PDCD6: variants seen among roughly 807,000 people sequenced by gnomAD.
The protein encoded by PDCD6 is programmed cell death 6.
PDCD6 carries 12 observed loss-of-function variants against 28.3 expected under a neutral mutation model. The ratio of observed to expected loss-of-function variants is 0.42; its 90% CI spans 0.27 to 0.69. PDCD6 has a LOEUF of 0.69. PDCD6 is among the 30% of genes least tolerant of loss of function. The probability of loss-of-function intolerance (pLI) is 0.22; values close to 1 mark genes in which losing one functional copy is unlikely to be tolerated. For missense variants in PDCD6, 226 were observed against 269.9 expected, an observed-to-expected ratio of 0.84 and a Z score of 1.14; for synonymous variants, 92 against 108.0, an observed-to-expected ratio of 0.85 and a Z score of 0.92.
At chr5:289,167 C>G in intron 2 of PDCD6, 1 of 1,000,646 alleles carries the variant, frequency 1.0e-6, no homozygotes, top group Admixed American at 2.5e-5. Context: ...TAAAAATAAG[C>G]AAATGTTGTT....
intron 4 of PDCD6, 93 bp from the exon 5 acceptor site, chr5:311,200 T>C (rs1472087822): frequency 1.1e-6 from 1 of 896,448 alleles, no homozygotes; most frequent in Non-Finnish European, 1.8e-6. Context: ...TTGTGTGTGT[T>C]AGAGGCTGTG....
intron 2 of PDCD6, among the ~76,000 whole-genome samples, chr5:298,538 A>G (rs1174064355): frequency 2.0e-5 from 3 of 151,694 alleles, no homozygotes; most frequent in Non-Finnish European, 4.4e-5. Flanking sequence ...TCATGTGCAG[A>G]TGAGGGATTA....
chr5:295,784 C>G (rs373001431), intron 2 of PDCD6, among the ~76,000 whole-genome samples: 153 of 147,610 alleles, frequency 1.0e-3, no homozygotes, highest in African/African-American at 3.4e-3. Context: ...GCTCTCCACA[C>G]AGAAAGCCAA....
At chr5:290,989 A>C (rs1739280056) in intron 2 of PDCD6, among the ~76,000 whole-genome samples, 1 of 152,250 alleles carries the variant, frequency 6.6e-6, no homozygotes, top group African/African-American at 2.4e-5. Flanking sequence ...TAAGGTATAA[A>C]GAATATTGAC....
chr5:310,216 C>G (rs990442856), intron 4 of PDCD6: 2 of 159,448 alleles, frequency 1.3e-5, no homozygotes, highest in Non-Finnish European at 2.7e-5. Flanking sequence ...AATGGGAGGT[C>G]CTGTCTTTTC....
intron 2 of PDCD6, among the ~76,000 whole-genome samples, chr5:299,125 C>A (rs1237316921): frequency 1.2e-4 from 1 of 8,188 alleles, no homozygotes; most frequent in Non-Finnish European, 2.5e-4. Flanking sequence ...TGCTCCCCCC[C>A]AGCTGCTCTC....
rs13184929 is a variant in PDCD6, at chr5:307,330, T to C, written c.367+570T>C. Among the ~76,000 whole-genome samples the C allele has an allele frequency of 2.1e-3, 89 of 42,408 alleles. No individual in the cohort carries two copies. The highest frequency in any genetic ancestry group is 4.1e-3 in the South Asian group (4 of 964). The allele number at this position is 42,408 out of a possible 152,430, so 27.8% of individuals were successfully genotyped here. A position where few individuals can be genotyped will look rare whatever the true frequency, so the allele number is the denominator to read the frequency against. The stretch of plus-strand genomic sequence containing the variant: ...CAGAACGCGTGCCCATTCTCAGGTG[T>C]GCTCGGCGTGTGTGTGCTCGGCGTG... On this transcript the variant is annotated intron_variant, in intron 4 of 5. Transcript: ENST00000264933. The surrounding 1 kb of genome is among the most constrained non-coding windows in gnomAD (Gnocchi z 6.1).
intron 2 of PDCD6, among the ~76,000 whole-genome samples, chr5:281,199 G>A (rs560835587): frequency 1.1e-3 from 169 of 152,382 alleles, no homozygotes; most frequent in Admixed American, 1.8e-3. Flanking sequence ...AAGAGACATC[G>A]ATTTGAAAAC....
At chr5:292,107 G>C (rs1042241223) in intron 2 of PDCD6, among the ~76,000 whole-genome samples, 2 of 152,140 alleles carry the variant, frequency 1.3e-5, no homozygotes, top group Non-Finnish European at 2.9e-5. Context: ...CATCTGGTGG[G>C]TGTCACGTGA....
intron 2 of PDCD6, among the ~76,000 whole-genome samples, chr5:290,724 G>GTGAAC (rs1197690192): frequency 6.6e-6 from 1 of 152,240 alleles, no homozygotes; most frequent in Non-Finnish European, 1.5e-5. Flanking sequence ...GCCTGGTGAT[G>GTGAAC]CAGCAGGTGT....
rs1737827155 is a variant in PDCD6 at position 271,876 on chromosome 5, C to T, written c.101+55C>T. 3.0e-6 allele frequency: 3 copies of T among 991,706 alleles called. No homozygotes were observed. The South Asian group carries it at 6.2e-5, about 20-fold the overall frequency. 61.4% of individuals were successfully genotyped at this position (991,706 alleles called of 1,614,324 possible). A position where few individuals can be genotyped will look rare whatever the true frequency, so the allele number is the denominator to read the frequency against. ...CGCCTCCGCCGCGGCGGCCCCGACC[C>T]CTGTCCCGACTCCCCCGACCAACCC... On this transcript the variant is annotated intron_variant, in intron 1 of 5. Transcript: ENST00000264933.
chr5:272,333 C>T (rs1579466654), intron 1 of PDCD6, among the ~76,000 whole-genome samples: 1 of 147,712 alleles, frequency 6.8e-6, no homozygotes, highest in Admixed American at 6.7e-5. Flanking sequence ...TTTATGGCGG[C>T]GCCTTCTGTC....
chr5:296,478 G>A (rs1158418385), intron 2 of PDCD6, among the ~76,000 whole-genome samples: 1 of 152,242 alleles, frequency 6.6e-6, no homozygotes, highest in African/African-American at 2.4e-5. Context: ...GTTCACTGCA[G>A]GTGGATGAGG....
At position 291,426 on chromosome 5, in the gene PDCD6, C is replaced by CATCGTCTGAGGGGAGCATGGGAAAT. The variant is rs1561039215; in HGVS notation, c.164-12751_164-12750insATCGTCTGAGGGGAGCATGGGAAAT. ...TCATTTTCATTGCTGCGTGATCTCC[C>CATCGTCTGAGGGGAGCATGGGAAAT]GTCTCCATTCTCTGCCTGAGACCCA... On this transcript the variant is annotated intron_variant, in intron 2 of 5. Transcript: ENST00000264933. Among the ~76,000 whole-genome samples, 10 of 151,120 alleles carry CATCGTCTGAGGGGAGCATGGGAAAT rather than the reference C, an allele frequency of 6.6e-5. No individual in the cohort carries two copies. The East Asian group carries it at 9.9e-4, about 15-fold the overall frequency.
rs113928832 is a variant in PDCD6 at position 306,775 on chromosome 5, C to G, written c.367+15C>G. 3 of 1,612,216 alleles carry G rather than the reference C, an allele frequency of 1.9e-6. No individual in the cohort carries two copies. Among genetic ancestry groups the G allele is most frequent in the African/African-American group, 1.3e-5 (1 of 75,044 alleles). Reference sequence around the variant, plus strand: ...CTCAGGTTTCGGTAACTCACTCACTCTGGCTTGTGTAGCGTGTTTCATTTT... The same window carrying G: ...CTCAGGTTTCGGTAACTCACTCACTGTGGCTTGTGTAGCGTGTTTCATTTT... On this transcript the variant is annotated intron_variant, in intron 4 of 5. Coordinates refer to ENST00000264933, the MANE Select transcript of PDCD6 (RefSeq NM_013232.4).
At chr5:277,036 G>C (rs1738240503) in intron 2 of PDCD6, 1 of 768,866 alleles carries the variant, frequency 1.3e-6, no homozygotes, top group Admixed American at 6.3e-5. Flanking sequence ...TCTGAAGTAG[G>C]TTTGCCTTAA....
At chr5:272,018 C>T (rs532553652) in intron 1 of PDCD6, among the ~76,000 whole-genome samples, 197 bp downstream of exon 1, 2 of 151,806 alleles carry the variant, frequency 1.3e-5, no homozygotes, top group Non-Finnish European at 2.9e-5. Flanking sequence ...CCGCCCCCGT[C>T]CCCTGGCGGG....
At chr5:284,581 C>T (rs535755719) in intron 2 of PDCD6, among the ~76,000 whole-genome samples, 6 of 151,988 alleles carry the variant, frequency 3.9e-5, no homozygotes, top group Admixed American at 6.5e-5. Context: ...GCTGATGTTC[C>T]GGTATGAGGG....
rs1052788577 is a variant in PDCD6, at chr5:314,952, A to G, written c.*437A>G. 5 of 300,480 alleles carry G rather than the reference A, an allele frequency of 1.7e-5. No homozygotes were observed. Among genetic ancestry groups the G allele is most frequent in the South Asian group, 1.5e-4 (5 of 33,438 alleles). 18.6% of individuals were successfully genotyped at this position (300,480 alleles called of 1,614,324 possible). ...ATTCATTGGAATATGTGACGTAAGC[A>G]ATAAAGGGAATGTTAGACGTGTGGT... On this transcript the variant is annotated 3_prime_UTR_variant, in exon 6 of 6. Coordinates refer to ENST00000264933, the MANE Select transcript of PDCD6 (RefSeq NM_013232.4).
Sources: allele counts gnomAD v4.1 joint callset (sites outside exome capture counted in the v4.1 genomes callset), GRCh38; gene constraint gnomAD v4.1.1; non-coding constraint Gnocchi (gnomAD v3.1); transcripts MANE v1.5; gene names NCBI Gene and HGNC (gene_info 2026-07-23, HGNC 2026-07-21).